Variants in SEMA3E observed in about 807,000 individuals in gnomAD.
SEMA3E encodes semaphorin-3E.
In SEMA3E, 49 loss-of-function variants were observed where a neutral mutation model predicts 93.6. That is an observed-to-expected ratio of 0.52 (90% confidence interval 0.42 to 0.66). The LOEUF (loss-of-function observed/expected upper bound fraction) is 0.66. Among genes scored for constraint, SEMA3E ranks in the 30% least tolerant of loss-of-function variants. The probability of loss-of-function intolerance (pLI) is 0.00; values close to 1 mark genes in which losing one functional copy is unlikely to be tolerated. For synonymous variants in SEMA3E, 363 were observed against 330.7 expected, an observed-to-expected ratio of 1.10 and a Z score of -1.06; for missense variants, 906 against 964.8, an observed-to-expected ratio of 0.94 and a Z score of 0.81.
chr7:83,594,077 G>A (rs2115956995), intron 1 of SEMA3E, among the ~76,000 whole-genome samples: 1 of 152,206 alleles, frequency 6.6e-6, no homozygotes, highest in South Asian at 2.1e-4. Flanking sequence ...TTAGTATTGA[G>A]GCTGTTCCAT....
intron 2 of SEMA3E, among the ~76,000 whole-genome samples, chr7:83,471,739 A>G (rs953399902): frequency 7.9e-5 from 12 of 152,246 alleles, no homozygotes; most frequent in African/African-American, 2.9e-4. Flanking sequence ...TGAATGAAGT[A>G]TACTCTTGCA....
intron 9 of SEMA3E, among the ~76,000 whole-genome samples, chr7:83,403,560 C>T (rs188465631): frequency 6.6e-6 from 1 of 151,940 alleles, no homozygotes; most frequent in East Asian, 1.9e-4. Flanking sequence ...AACATTCTTG[C>T]CATATTCCTT....
At chr7:83,475,911 G>A (rs1028219104) in intron 2 of SEMA3E, among the ~76,000 whole-genome samples, 3 of 152,130 alleles carry the variant, frequency 2.0e-5, no homozygotes, top group Non-Finnish European at 4.4e-5. Flanking sequence ...ATTCTTTCAG[G>A]TGCATTTCCC....
At chr7:83,528,521 A>G (rs951982922) in intron 1 of SEMA3E, among the ~76,000 whole-genome samples, 1 of 152,112 alleles carries the variant, frequency 6.6e-6, no homozygotes. Flanking sequence ...GATAAGTAAT[A>G]TTGCCAAAAT....
At chr7:83,544,916 A>G (rs1791613576) in intron 1 of SEMA3E, among the ~76,000 whole-genome samples, 3 of 152,104 alleles carry the variant, frequency 2.0e-5, no homozygotes, top group Admixed American at 2.0e-4. Flanking sequence ...ATATTTGCTG[A>G]AAAAATTGAA....
chr7:83,620,803 G>A (rs1425093161), intron 1 of SEMA3E, among the ~76,000 whole-genome samples: 4 of 151,992 alleles, frequency 2.6e-5, no homozygotes, highest in Admixed American at 6.6e-5. Context: ...ATCTCTTCAC[G>A]TTAAAAATTC....
chr7:83,620,426 G>T (rs1793527577), intron 1 of SEMA3E, among the ~76,000 whole-genome samples: 1 of 152,038 alleles, frequency 6.6e-6, no homozygotes, highest in African/African-American at 2.4e-5. Flanking sequence ...GTACAAAGAG[G>T]AGCTGGTACC....
chr7:83,404,012 T>C (rs548941172), intron 9 of SEMA3E, among the ~76,000 whole-genome samples: 205 of 152,080 alleles, frequency 1.3e-3, no homozygotes, highest in African/African-American at 4.7e-3. Context: ...AAATAGCTTA[T>C]AATCTGATCA....
chr7:83,627,813 T>G (rs1339964081), intron 1 of SEMA3E, among the ~76,000 whole-genome samples: 1 of 152,118 alleles, frequency 6.6e-6, no homozygotes, highest in Non-Finnish European at 1.5e-5. Context: ...TTACCCAAAT[T>G]GCATTTAAGG....
intron 1 of SEMA3E, among the ~76,000 whole-genome samples, chr7:83,541,242 C>T (rs1195510357): frequency 2.0e-5 from 3 of 152,072 alleles, no homozygotes; most frequent in African/African-American, 4.8e-5. Context: ...CTCAACTATT[C>T]GAAAATTCTT....
intron 1 of SEMA3E, among the ~76,000 whole-genome samples, chr7:83,629,732 G>GGGT (rs761278678): frequency 6.6e-6 from 1 of 152,144 alleles, no homozygotes; most frequent in Non-Finnish European, 1.5e-5. Flanking sequence ...GGCTCTGTGG[G>GGGT]GGTGGGATCC....
At chr7:83,458,929 A>ACG (rs1789551217) in intron 4 of SEMA3E, among the ~76,000 whole-genome samples, 1 of 139,572 alleles carries the variant, frequency 7.2e-6, no homozygotes, top group African/African-American at 2.6e-5. Flanking sequence ...ATATGTATAT[A>ACG]TGTATATATA....
chr7:83,390,118 C>T (rs1249627842), intron 14 of SEMA3E, among the ~76,000 whole-genome samples: 2 of 74,480 alleles, frequency 2.7e-5, no homozygotes, highest in Admixed American at 1.4e-4. Flanking sequence ...CACATATATG[C>T]GCGTATACGT....
At chr7:83,368,203 CTCTCTCTGTGTGTGTG>C (rs1794702140) in intron 16 of SEMA3E, among the ~76,000 whole-genome samples, 165 bp from the exon 17 acceptor site, 1 of 73,364 alleles carries the variant, frequency 1.4e-5, no homozygotes, top group African/African-American at 3.0e-5. Context: ...ATCTCTCTCT[CTCTCTCTGTGTGTGTG>C]TGTGTGTGTG....
At chr7:83,476,292 T>C (rs1356430378) in intron 2 of SEMA3E, among the ~76,000 whole-genome samples, 1 of 152,196 alleles carries the variant, frequency 6.6e-6, no homozygotes, top group African/African-American at 2.4e-5. Flanking sequence ...GTTAAATGAA[T>C]AAAACAAGTA....
chr7:83,376,817 A>G (rs183640652), intron 16 of SEMA3E, among the ~76,000 whole-genome samples: 32 of 152,170 alleles, frequency 2.1e-4, no homozygotes, highest in African/African-American at 7.7e-4. Context: ...AAAGTGATAC[A>G]CTTTATTTTT....
intron 1 of SEMA3E, among the ~76,000 whole-genome samples, chr7:83,607,314 G>T (rs1293628851): frequency 2.0e-5 from 3 of 152,136 alleles, no homozygotes; most frequent in African/African-American, 7.2e-5. Context: ...GGAGGTTTAG[G>T]GGTCGTGTTA....
chr7:83,484,351 A>C (rs1331918767), intron 2 of SEMA3E, among the ~76,000 whole-genome samples: 1 of 152,146 alleles, frequency 6.6e-6, no homozygotes, highest in Non-Finnish European at 1.5e-5. Flanking sequence ...CTTGTCATCT[A>C]CCATCATCCA....
intron 1 of SEMA3E, among the ~76,000 whole-genome samples, chr7:83,557,772 C>T (rs1164346138): frequency 4.6e-5 from 7 of 152,132 alleles, no homozygotes; most frequent in Admixed American, 1.3e-4. Flanking sequence ...TTCAGCCTAA[C>T]AGCAAGCTAG....
Sources: allele counts gnomAD v4.1 joint callset (sites outside exome capture counted in the v4.1 genomes callset), GRCh38; gene constraint gnomAD v4.1.1; transcripts MANE v1.5; gene names NCBI Gene and HGNC (gene_info 2026-07-23, HGNC 2026-07-21).